The following AKAP7 variants were observed in gnomAD, a reference collection of about 807,000 sequenced individuals.
AKAP7 encodes the protein A-kinase anchoring protein 7.
AKAP7 carries 39 observed loss-of-function variants against 39.5 expected under a neutral mutation model. The ratio of observed to expected loss-of-function variants is 0.99; its 90% confidence interval spans 0.76 to 1.29. The LOEUF is 1.29. Among genes scored for constraint, AKAP7 ranks in the 50% most tolerant of loss-of-function variants. The pLI is 0.00. For synonymous variants in AKAP7, 140 were observed against 139.1 expected, an observed-to-expected ratio of 1.01 and a Z score of -0.05; for missense variants, 414 against 407.7, an observed-to-expected ratio of 1.02 and a Z score of -0.13.
chr6:131,179,892 TAAATAATA>T (rs913263421), intron 5 of AKAP7, among the ~76,000 whole-genome samples: 11 of 149,270 alleles, frequency 7.4e-5, no homozygotes, highest in Middle Eastern at 3.2e-3. Flanking sequence ...AATAAATAAA[TAAATAATA>T]AATAAATAAA....
chr6:131,271,661 A>C (rs1212162285), intron 7 of AKAP7, among the ~76,000 whole-genome samples: 1 of 151,954 alleles, frequency 6.6e-6, no homozygotes, highest in South Asian at 2.1e-4. Flanking sequence ...AATACTATTC[A>C]TTATTTACAA....
intron 5 of AKAP7, chr6:131,185,323 G>T: frequency 2.0e-6 from 1 of 504,456 alleles, no homozygotes; most frequent in East Asian, 4.4e-5. Flanking sequence ...TCTTCATCCA[G>T]CTGTAATAAT....
At chr6:131,179,782 T>C (rs1804953242) in intron 5 of AKAP7, among the ~76,000 whole-genome samples, 1 of 152,052 alleles carries the variant, frequency 6.6e-6, no homozygotes, top group African/African-American at 2.4e-5. Flanking sequence ...GGTGGAAGGA[T>C]TGCTTGAGTC....
At chr6:131,270,640 A>G (rs914586684) in intron 7 of AKAP7, among the ~76,000 whole-genome samples, 1 of 152,196 alleles carries the variant, frequency 6.6e-6, no homozygotes, top group Non-Finnish European at 1.5e-5. Flanking sequence ...TTTATAAGAA[A>G]TTTCTAAACT....
chr6:131,227,341 C>T (rs1437982469), intron 7 of AKAP7, among the ~76,000 whole-genome samples: 1 of 152,088 alleles, frequency 6.6e-6, no homozygotes, highest in Non-Finnish European at 1.5e-5. Flanking sequence ...GTGGAGTTAG[C>T]TGAGGAAGCT....
At chr6:131,255,302 A>G (rs1021132624) in intron 7 of AKAP7, among the ~76,000 whole-genome samples, 1 of 152,150 alleles carries the variant, frequency 6.6e-6, no homozygotes, top group Non-Finnish European at 1.5e-5. Context: ...AATGATACAC[A>G]TTTCTTGTGA....
intron 7 of AKAP7, among the ~76,000 whole-genome samples, chr6:131,255,171 CA>C (rs1176601193): frequency 6.6e-6 from 1 of 152,154 alleles, no homozygotes; most frequent in East Asian, 1.9e-4. Context: ...TCTATCTTAT[CA>C]CATGGATTTC....
At position 131,207,517 on chromosome 6, in the gene AKAP7, T is replaced by TA. The variant is rs1554211858; in HGVS notation, c.702+7945dup. Among the ~76,000 whole-genome samples, 6 of 141,564 alleles carry TA rather than the reference T, an allele frequency of 4.2e-5. No homozygotes were observed. In the Admixed American group the frequency reaches 4.2e-4, roughly 10 times the overall value. 92.9% of individuals were successfully genotyped at this position (141,564 alleles called of 152,430 possible). On this transcript the variant is annotated intron_variant, in intron 6 of 7. Coordinates refer to ENST00000431975, the MANE Select transcript of AKAP7 (RefSeq NM_016377.4). Reference sequence around the variant, plus strand: ...TTTTTTTTTTTTTTTTTTTTTTTTTTAGATATGGGGTGTTGCTATGTTGCC... The same window carrying TA: ...TTTTTTTTTTTTTTTTTTTTTTTTTTAAGATATGGGGTGTTGCTATGTTGCC...
chr6:131,179,372 C>G (rs1804897069), intron 5 of AKAP7, among the ~76,000 whole-genome samples: 3 of 152,140 alleles, frequency 2.0e-5, no homozygotes, highest in Admixed American at 2.0e-4. Flanking sequence ...CGGAGTTTCT[C>G]CATGTTGGCC....
At chr6:131,199,388 T>C (rs1554210294) in intron 5 of AKAP7, 73 bp from the exon 6 acceptor site, 2 of 971,370 alleles carry the variant, frequency 2.1e-6, no homozygotes, top group Non-Finnish European at 1.6e-6. Flanking sequence ...TTTGAACTGG[T>C]ATTTTTTTTT....
intron 5 of AKAP7, among the ~76,000 whole-genome samples, chr6:131,181,331 TC>T (rs1805216402): frequency 6.6e-6 from 1 of 152,212 alleles, no homozygotes; most frequent in African/African-American, 2.4e-5. Flanking sequence ...AACCCCAGCA[TC>T]AGTCATTTTA....
intron 5 of AKAP7, among the ~76,000 whole-genome samples, chr6:131,187,606 T>C (rs568459358): frequency 3.0e-4 from 46 of 152,286 alleles, no homozygotes; most frequent in Non-Finnish European, 6.2e-4. Flanking sequence ...AATCTAACTT[T>C]CCCAACCAGA....
intron 7 of AKAP7, among the ~76,000 whole-genome samples, chr6:131,269,441 G>A (rs1391358698): frequency 6.6e-6 from 1 of 152,162 alleles, no homozygotes; most frequent in Non-Finnish European, 1.5e-5. Context: ...AAGCAGTCAG[G>A]GATCTTGAGG....
upstream of AKAP7, among the ~76,000 whole-genome samples, chr6:131,131,463 CTTTCTTTTT>C (rs1800325928): frequency 1.2e-5 from 1 of 85,246 alleles, no homozygotes; most frequent in South Asian, 3.8e-4. Context: ...GTTTCTCTTT[CTTTCTTTTT>C]TTTTTTTTTT....
At chr6:131,216,633 GATTA>G (rs1490548319) in intron 6 of AKAP7, among the ~76,000 whole-genome samples, 2 of 152,158 alleles carry the variant, frequency 1.3e-5, no homozygotes, top group African/African-American at 2.4e-5. Context: ...CATTTCTAAT[GATTA>G]ATTAAGATAG....
At chr6:131,136,101 A>G (rs1044426279) in intron 1 of AKAP7, among the ~76,000 whole-genome samples, 1 of 152,212 alleles carries the variant, frequency 6.6e-6, no homozygotes, top group Admixed American at 6.5e-5. Context: ...ATGCCAGTAC[A>G]CATTCCTTCC....
At chr6:131,202,441 T>G (rs1192077632) in intron 6 of AKAP7, among the ~76,000 whole-genome samples, 1 of 150,690 alleles carries the variant, frequency 6.6e-6, no homozygotes. Flanking sequence ...TAAAAAATGA[T>G]AAGTTCATGT....
At chr6:131,223,878 C>G (rs1337524555) in intron 7 of AKAP7, among the ~76,000 whole-genome samples, 1 of 152,198 alleles carries the variant, frequency 6.6e-6, no homozygotes, top group African/African-American at 2.4e-5. Context: ...CCCCCCATCA[C>G]TGTGTTCAAG....
Position 131,281,187 on chromosome 6 carries a change from CAT to C in AKAP7, c.851-342_851-341del, listed in dbSNP as rs1815163758. Among the ~76,000 whole-genome samples the C allele has an allele frequency of 6.6e-6, 1 of 152,194 alleles. No homozygotes were observed. The highest frequency in any genetic ancestry group is 1.5e-5 in the Non-Finnish European group (1 of 68,026). On this transcript the variant is annotated intron_variant, in intron 7 of 7. Coordinates refer to ENST00000431975, the MANE Select transcript of AKAP7 (RefSeq NM_016377.4). This position sits in a 1 kb window ranked among gnomAD's most constrained non-coding sequence, Gnocchi z 4.0. ...GACATAGGCCTACTTAGTGAATTCA[CAT>C]GTCTGAGACTCCACGTGGTGGGGAC... is the stretch of plus-strand genomic sequence containing the variant.
Sources: gnomAD v4.1 joint callset for allele counts (sites outside exome capture counted in the v4.1 genomes callset) on GRCh38, gnomAD v4.1.1 for gene constraint, Gnocchi (gnomAD v3.1) non-coding constraint, MANE v1.5 for transcripts, NCBI Gene and HGNC (gene_info 2026-07-23, HGNC 2026-07-21) for gene names.